The following C16orf46 variants were observed in gnomAD, a reference collection of about 807,000 sequenced individuals.
C16orf46 encodes the protein chromosome 16 open reading frame 46, also known as uncharacterized protein C16orf46.
Under a neutral mutation model 5.5 loss-of-function variants are expected in C16orf46, and 7 were observed. That is an observed-to-expected ratio of 1.28 (90% CI 0.73 to 2.40). C16orf46 has a LOEUF of 2.40. Ranked by LOEUF, C16orf46 falls within the 30% of genes most tolerant of loss-of-function variation. The pLI is 0.00. For missense variants in C16orf46, 614 were observed against 476.0 expected, an observed-to-expected ratio of 1.29 and a Z score of -2.70; for synonymous variants, 200 against 184.1, an observed-to-expected ratio of 1.09 and a Z score of -0.70.
At chr16:81,064,830 G>A (rs1336506584) in intron 2 of C16orf46, among the ~76,000 whole-genome samples, 2 of 151,842 alleles carry the variant, frequency 1.3e-5, no homozygotes, top group African/African-American at 4.8e-5. Flanking sequence ...CTGGAACAGA[G>A]CCTCCTCTCA....
chr16:81,067,384 G>A (rs1252136497), intron 1 of C16orf46, among the ~76,000 whole-genome samples: 1 of 152,138 alleles, frequency 6.6e-6, no homozygotes, highest in East Asian at 1.9e-4. Flanking sequence ...GGGATTAACT[G>A]TACTATTATA....
At chr16:81,066,889 A>T (rs1971670563) in intron 1 of C16orf46, among the ~76,000 whole-genome samples, 1 of 152,234 alleles carries the variant, frequency 6.6e-6, no homozygotes. Flanking sequence ...TGCCATGGAG[A>T]CGCATTTGCA....
At position 81,054,102 on chromosome 16, in the gene C16orf46, G is replaced by A. The variant is rs371210906; in HGVS notation, c.1144-8C>T. 3.4e-5 allele frequency: 55 copies of A among 1,611,700 alleles called. No individual in the cohort carries two copies. The African/African-American group carries it at 4.7e-4, about 14-fold the overall frequency. ...TATCTTCTTTTTCCTGTGCTGTAACGAGAAATTTAATGACTTCAGAAAATG... is the reference window on the plus strand; with the variant it reads ...TATCTTCTTTTTCCTGTGCTGTAACAAGAAATTTAATGACTTCAGAAAATG... On this transcript the variant is annotated splice_region_variant and splice_polypyrimidine_tract_variant and intron_variant, in intron 3 of 3. Transcript: ENST00000378611.
intron 3 of C16orf46, among the ~76,000 whole-genome samples, chr16:81,062,382 CAGTATTTGTAAT>C (rs1203839609): frequency 3.9e-5 from 6 of 151,992 alleles, no homozygotes; most frequent in Admixed American, 6.6e-5. Flanking sequence ...AAAGCAATAA[CAGTATTTGTAAT>C]AGTATTTGTT....
chr16:81,068,565 A>ATTT (rs33943128), intron 1 of C16orf46, among the ~76,000 whole-genome samples: 5,344 of 131,232 alleles, frequency 0.041, 272 homozygotes, highest in African/African-American at 0.092. Flanking sequence ...ATTTCTTTGT[A>ATTT]TTTTTTTTTT....
At chr16:81,060,910 A>G, downstream of C16orf46, 1 of 1,145,276 alleles carries the variant, frequency 8.7e-7, no homozygotes, top group East Asian at 3.4e-5. Context: ...GCATTTTGTG[A>G]ATGGCTAAGT....
intron 1 of C16orf46, among the ~76,000 whole-genome samples, chr16:81,068,293 G>A (rs969124905): frequency 1.3e-5 from 2 of 152,164 alleles, no homozygotes; most frequent in Non-Finnish European, 1.5e-5. Flanking sequence ...CATACCAGTC[G>A]AATACAGCAA....
At chr16:81,059,834 G>C (rs1420187351), downstream of C16orf46, among the ~76,000 whole-genome samples, 1 of 151,382 alleles carries the variant, frequency 6.6e-6, no homozygotes, top group Non-Finnish European at 1.5e-5. Flanking sequence ...TGTCGCCCAG[G>C]CTGGAGAGCA....
chr16:81,057,442 G>T (rs756927714), downstream of C16orf46, among the ~76,000 whole-genome samples: 2 of 151,138 alleles, frequency 1.3e-5, no homozygotes, highest in Non-Finnish European at 2.9e-5. Flanking sequence ...CCACCTACTC[G>T]TGAGTCTGAG....
intron 1 of C16orf46, among the ~76,000 whole-genome samples, chr16:81,068,952 C>CCAGT: frequency 6.6e-6 from 1 of 151,746 alleles, no homozygotes; most frequent in South Asian, 2.1e-4. Flanking sequence ...TGATCACCCG[C>CCAGT]CTCGGCCTCC....
intron 2 of C16orf46, among the ~76,000 whole-genome samples, chr16:81,065,219 T>C (rs1317889737): frequency 3.9e-5 from 6 of 152,178 alleles, no homozygotes; most frequent in African/African-American, 1.4e-4. Flanking sequence ...ACGCCTGTAA[T>C]CCCAGTACTT....
At chr16:81,068,424 A>G (rs1457089854) in intron 1 of C16orf46, among the ~76,000 whole-genome samples, 1 of 152,242 alleles carries the variant, frequency 6.6e-6, no homozygotes, top group African/African-American at 2.4e-5. Context: ...CACTGCCCAA[A>G]GAAAAACCTA....
exon 4 of C16orf46, chr16:81,054,047 C>T: frequency 6.2e-7 from 1 of 1,605,822 alleles, no homozygotes; most frequent in Non-Finnish European, 8.5e-7. Context: ...CTGCTTAGGA[C>T]TGAATGTGAA....
chr16:81,061,049 C>G lies in C16orf46; in HGVS notation c.*112G>C, dbSNP rs7197019. On this transcript the variant is annotated 3_prime_UTR_variant, in exon 4 of 4. Coordinates refer to ENST00000299578, the MANE Select transcript of C16orf46 (RefSeq NM_152337.3). The stretch of plus-strand genomic sequence containing the variant: ...GAAAAGAAGAGTAAAGACAGACTGA[C>G]GGGGAGGAGAGAAAGAGAGAGTGGG... 5 of 1,022,048 alleles carry G rather than the reference C, an allele frequency of 4.9e-6. No homozygotes were observed. In the African/African-American group the frequency reaches 6.9e-5, roughly 14 times the overall value. 63.3% of individuals were successfully genotyped at this position (1,022,048 alleles called of 1,614,324 possible). A position where few individuals can be genotyped will look rare whatever the true frequency, so the allele number is the denominator to read the frequency against.
At chr16:81,055,703 A>G (rs1489412608) in intron 3 of C16orf46, among the ~76,000 whole-genome samples, 1 of 152,114 alleles carries the variant, frequency 6.6e-6, no homozygotes, top group African/African-American at 2.4e-5. Flanking sequence ...AAAAAATAAA[A>G]TAAGTAGAGA....
At chr16:81,068,274 C>T (rs992286570) in intron 1 of C16orf46, among the ~76,000 whole-genome samples, 2 of 152,198 alleles carry the variant, frequency 1.3e-5, no homozygotes, top group African/African-American at 4.8e-5. Flanking sequence ...TCACAGTCAA[C>T]AGTAGAGGCA....
At chr16:81,070,470 A>C (rs1174009752) in intron 1 of C16orf46, among the ~76,000 whole-genome samples, 1 of 152,214 alleles carries the variant, frequency 6.6e-6, no homozygotes, top group East Asian at 1.9e-4. Context: ...CGCCAGAATA[A>C]GGAATCCAGA....
At chr16:81,059,026 GAT>G (rs1459767110), downstream of C16orf46, among the ~76,000 whole-genome samples, 2 of 152,092 alleles carry the variant, frequency 1.3e-5, no homozygotes, top group Non-Finnish European at 2.9e-5. Context: ...GATTAAAAGA[GAT>G]AATGTCTGGG....
intron 3 of C16orf46, among the ~76,000 whole-genome samples, chr16:81,054,307 CTT>C (rs1971234940): frequency 6.6e-6 from 1 of 150,726 alleles, no homozygotes; most frequent in Non-Finnish European, 1.5e-5. Context: ...AAATAAAAAA[CTT>C]TTTTCTTTTT....
Sources: allele counts gnomAD v4.1 joint callset (sites outside exome capture counted in the v4.1 genomes callset), GRCh38; gene constraint gnomAD v4.1.1; transcripts MANE v1.5; gene names NCBI Gene and HGNC (gene_info 2026-07-23, HGNC 2026-07-21).